Variants in RFTN2 observed in about 807,000 individuals in gnomAD.
RFTN2 encodes raftlin family member 2.
A neutral mutation model predicts 52.7 loss-of-function variants in RFTN2; 34 were observed. The ratio of observed to expected loss-of-function variants is 0.64; its 90% CI spans 0.49 to 0.86. The LOEUF (loss-of-function observed/expected upper bound fraction) is 0.86. Ranked by LOEUF, RFTN2 falls within the 40% of genes least tolerant of loss-of-function variation. The probability of loss-of-function intolerance (pLI) is 0.00; values close to 1 mark genes in which losing one functional copy is unlikely to be tolerated. For missense variants in RFTN2, 536 were observed against 600.1 expected, an observed-to-expected ratio of 0.89 and a Z score of 1.12; for synonymous variants, 203 against 217.7, an observed-to-expected ratio of 0.93 and a Z score of 0.59.
chr2:197,675,443 T>C lies in RFTN2; in HGVS notation c.16A>G (p.Arg6Gly). The change falls in exon 1 of 9, where the codon AGA becomes GGA. Residue 6 changes from arginine to glycine, a missense_variant. By Grantham distance (125) the Arg-to-Gly change is moderately radical. Coordinates refer to ENST00000295049, the MANE Select transcript of RFTN2 (RefSeq NM_144629.3). MGCGL[R>G]KLEDPDDSSP... ...CTATCATCAGGGTCTTCTAGCTTTC[T>C]AAGTCCGCACCCCATGGCAAAATCT... 6.3e-7 allele frequency: 1 copy of C among 1,595,586 alleles called. No homozygotes were observed. Among genetic ancestry groups the C allele is most frequent in the Non-Finnish European group, 8.5e-7 (1 of 1,171,610 alleles).
chr2:197,618,567 C>T (rs1422987272), intron 5 of RFTN2, among the ~76,000 whole-genome samples: 2 of 151,636 alleles, frequency 1.3e-5, no homozygotes, highest in Admixed American at 6.6e-5. Flanking sequence ...ATGTGAGGAG[C>T]CCCTCTGCCT....
chr2:197,585,121 C>G (rs932948757), intron 8 of RFTN2, among the ~76,000 whole-genome samples: 8 of 152,206 alleles, frequency 5.3e-5, no homozygotes, highest in Admixed American at 1.3e-4. Flanking sequence ...CGCAAGTACT[C>G]TCTCCTACTT....
At chr2:197,591,202 C>T (rs62277864) in intron 8 of RFTN2, among the ~76,000 whole-genome samples, 2,878 of 152,252 alleles carry the variant, frequency 0.019, 40 homozygotes, top group Middle Eastern at 0.037. Flanking sequence ...GAGCTAGACA[C>T]AGAGTGCTGA....
intron 1 of RFTN2, among the ~76,000 whole-genome samples, chr2:197,672,284 A>G (rs906901594): frequency 2.6e-5 from 4 of 152,200 alleles, no homozygotes; most frequent in Non-Finnish European, 5.9e-5. Context: ...TACCTAAGAT[A>G]CCCAGCATAG....
At chr2:197,659,070 A>G (rs1264442845) in intron 1 of RFTN2, among the ~76,000 whole-genome samples, 6 of 152,226 alleles carry the variant, frequency 3.9e-5, no homozygotes, top group Non-Finnish European at 5.9e-5. Flanking sequence ...ATATAAAGTC[A>G]TATATTAAAG....
chr2:197,620,864 G>A (rs1375644141), intron 5 of RFTN2, among the ~76,000 whole-genome samples: 2 of 152,212 alleles, frequency 1.3e-5, no homozygotes, highest in African/African-American at 2.4e-5. Flanking sequence ...TACTCGGGAG[G>A]CAGAGGCAGG....
At chr2:197,590,959 C>T (rs890365983) in intron 8 of RFTN2, among the ~76,000 whole-genome samples, 1 of 152,214 alleles carries the variant, frequency 6.6e-6, no homozygotes, top group African/African-American at 2.4e-5. Context: ...AGCAGGTTGC[C>T]ACTGCTGGCT....
At chr2:197,663,166 CAT>C (rs1483354381) in intron 1 of RFTN2, among the ~76,000 whole-genome samples, 3 of 151,908 alleles carry the variant, frequency 2.0e-5, no homozygotes, top group Non-Finnish European at 2.9e-5. Flanking sequence ...TAAATTAAAC[CAT>C]GTTTGCATCA....
At chr2:197,617,246 G>A (rs1438033304) in intron 6 of RFTN2, among the ~76,000 whole-genome samples, 1 of 152,150 alleles carries the variant, frequency 6.6e-6, no homozygotes, top group Non-Finnish European at 1.5e-5. Context: ...TCAGTGCCAG[G>A]CGATGTTTTT....
chr2:197,610,142 A>G (rs1246014642), intron 7 of RFTN2, among the ~76,000 whole-genome samples: 1 of 152,112 alleles, frequency 6.6e-6, no homozygotes. Context: ...GTTTTTTCCA[A>G]TTCTGTGAAG....
intron 1 of RFTN2, among the ~76,000 whole-genome samples, chr2:197,646,876 C>T: frequency 1.3e-5 from 1 of 78,402 alleles, no homozygotes; most frequent in East Asian, 4.1e-4. Flanking sequence ...ATAACAGGAA[C>T]ATAGTAGGAC....
chr2:197,671,063 C>T (rs371235658), intron 1 of RFTN2, among the ~76,000 whole-genome samples: 6 of 152,216 alleles, frequency 3.9e-5, no homozygotes, highest in East Asian at 1.9e-4. Context: ...CTTCTCACTG[C>T]AATTCCACAT....
chr2:197,570,925 T>G lies in RFTN2; in HGVS notation c.*1083A>C, dbSNP rs191758888. ...TGTAATTCACTTGGAGGTTCCATCTTTCAAAGTAAGCCTTTCATAGATAAA... is the reference window on the plus strand; with the variant it reads ...TGTAATTCACTTGGAGGTTCCATCTGTCAAAGTAAGCCTTTCATAGATAAA... On this transcript the variant is annotated 3_prime_UTR_variant, in exon 9 of 9. Coordinates refer to ENST00000295049, the MANE Select transcript of RFTN2 (RefSeq NM_144629.3). The G allele has an allele frequency of 6.6e-6, 1 of 152,388 alleles. No individual in the cohort carries two copies. Among genetic ancestry groups the G allele is most frequent in the African/African-American group, 2.4e-5 (1 of 41,580 alleles). The allele number at this position is 152,388 out of a possible 1,614,324, so 9.4% of individuals were successfully genotyped here.
rs555480026 is a variant in RFTN2 at position 197,578,796 on chromosome 2, T to A, written c.1234-6516A>T. Reference sequence around the variant, plus strand: ...ATGACATTTGGTGCCGTGATTCGGATTGGGGGACCACCCTTGGCAGATCAA... The same window carrying A: ...ATGACATTTGGTGCCGTGATTCGGAATGGGGGACCACCCTTGGCAGATCAA... On this transcript the variant is annotated intron_variant, in intron 8 of 8. Transcript: ENST00000295049. Among the ~76,000 whole-genome samples the A allele has an allele frequency of 7.9e-5, 12 of 152,336 alleles. No homozygotes were observed. The South Asian group carries it at 2.3e-3, about 29-fold the overall frequency.
At chr2:197,630,981 G>A in intron 5 of RFTN2, 30 bp downstream of exon 5, 2 of 1,411,120 alleles carry the variant, frequency 1.4e-6, no homozygotes, top group Admixed American at 1.7e-5. Context: ...AAATTCCTCA[G>A]ATATAAAATA....
At chr2:197,641,395 G>T (rs536615010) in intron 3 of RFTN2, among the ~76,000 whole-genome samples, 1 of 152,166 alleles carries the variant, frequency 6.6e-6, no homozygotes, top group African/African-American at 2.4e-5. Context: ...CTTTATATCA[G>T]TTGTCCTGGG....
intron 1 of RFTN2, among the ~76,000 whole-genome samples, chr2:197,660,917 T>A (rs962991273): frequency 1.3e-5 from 2 of 152,160 alleles, no homozygotes; most frequent in African/African-American, 4.8e-5. Flanking sequence ...ACTGCTATTT[T>A]AAAATATACA....
chr2:197,588,090 A>T, intron 8 of RFTN2: 1 of 457,178 alleles, frequency 2.2e-6, no homozygotes, highest in Non-Finnish European at 4.5e-6. Flanking sequence ...TCATTCAATC[A>T]TAAAAATAAC....
intron 3 of RFTN2, among the ~76,000 whole-genome samples, chr2:197,637,655 G>T (rs2088591224): frequency 6.6e-6 from 1 of 151,934 alleles, no homozygotes; most frequent in African/African-American, 2.4e-5. Flanking sequence ...CTTGCTAGCG[G>T]TCTATCAATT....
Sources: gnomAD v4.1 joint callset for allele counts (sites outside exome capture counted in the v4.1 genomes callset) on GRCh38, gnomAD v4.1.1 for gene constraint, MANE v1.5 for transcripts, NCBI Gene and HGNC (gene_info 2026-07-23, HGNC 2026-07-21) for gene names.